The following SLC12A1 variants were observed in gnomAD, a reference collection of about 807,000 sequenced individuals.
SLC12A1 encodes the protein solute carrier family 12 member 1, also known as Na-K-2Cl cotransporter.
In SLC12A1, 89 loss-of-function variants were observed where a neutral mutation model predicts 130.4. The ratio of observed to expected loss-of-function variants is 0.68; its 90% confidence interval spans 0.58 to 0.81. The LOEUF (loss-of-function observed/expected upper bound fraction) is 0.81, where lower values mean the gene tolerates loss of function less well. Among genes scored for constraint, SLC12A1 ranks in the 40% least tolerant of loss-of-function variants. The pLI, the probability that SLC12A1 is intolerant of heterozygous loss-of-function variation, is 0.00. For synonymous variants in SLC12A1, 499 were observed against 460.0 expected (o/e 1.08, Z -1.09); for missense variants, 1,310 against 1,336.4 (o/e 0.98, Z 0.31).
rs565794124 is a variant in SLC12A1, at chr15:48,290,126, C to T, written c.2873+1610C>T. Among the ~76,000 whole-genome samples, 4 of 152,196 alleles carry T rather than the reference C, an allele frequency of 2.6e-5. No individual in the cohort carries two copies. The East Asian group carries it at 7.7e-4, about 29-fold the overall frequency. ...TATAAGCATTTTTCTACTTTTTAAA[C>T]TGTTTTCTTTTTTTCTTTTTAAATA... is the stretch of plus-strand genomic sequence containing the variant. On this transcript the variant is annotated intron_variant, in intron 23 of 26. Coordinates refer to ENST00000380993, the MANE Select transcript of SLC12A1 (RefSeq NM_000338.3).
intron 14 of SLC12A1, among the ~76,000 whole-genome samples, chr15:48,251,373 G>C (rs1291162294): frequency 1.3e-5 from 2 of 151,754 alleles, no homozygotes; most frequent in Non-Finnish European, 2.9e-5. Context: ...GGAGGGTCCT[G>C]AATGGCATAT....
chr15:48,288,198 T>C lies in SLC12A1; in HGVS notation c.2761+24T>C, dbSNP rs774329413. On this transcript the variant is annotated intron_variant, in intron 22 of 26. Coordinates refer to ENST00000380993, the MANE Select transcript of SLC12A1 (RefSeq NM_000338.3). ...AGGTAAAAACTTTCAGAAAATACAC[T>C]AGGGACAAGAATTTCAATTTTGATA... 3.1e-6 allele frequency: 5 copies of C among 1,599,034 alleles called. No individual in the cohort carries two copies. The South Asian group carries it at 5.7e-5, about 18-fold the overall frequency.
At chr15:48,282,834 C>T (rs2042021785) in intron 20 of SLC12A1, among the ~76,000 whole-genome samples, 1 of 152,114 alleles carries the variant, frequency 6.6e-6, no homozygotes, top group Non-Finnish European at 1.5e-5. Context: ...AATAAAACAA[C>T]TCTGAAATAG....
intron 20 of SLC12A1, among the ~76,000 whole-genome samples, chr15:48,275,280 C>T (rs6493316): frequency 0.29 from 44,494 of 151,982 alleles, 7,964 homozygotes; most frequent in African/African-American, 0.5. Context: ...TTCCCTCTTC[C>T]GCTGAGCTTC....
chr15:48,225,981 A>G (rs920131238), intron 4 of SLC12A1: 8 of 699,474 alleles, frequency 1.1e-5, no homozygotes, highest in South Asian at 1.3e-4. Context: ...CATCATTTGT[A>G]AGGTAAAGGC....
At chr15:48,234,135 C>T (rs775239099) in intron 8 of SLC12A1, among the ~76,000 whole-genome samples, 1 of 152,106 alleles carries the variant, frequency 6.6e-6, no homozygotes, top group Non-Finnish European at 1.5e-5. Context: ...CCAAAAAAGG[C>T]ATAGAAAACC....
In SLC12A1 at chr15:48,300,011, T is replaced by C. The variant is rs574683433; in HGVS notation, c.3096+736T>C. ...TGCTAATCTCATTGTACTTTAAGTA[T>C]AATTGCAGGCATTTACAAATGTTAG... is the stretch of plus-strand genomic sequence containing the variant. On this transcript the variant is annotated intron_variant, in intron 25 of 26. Coordinates refer to ENST00000380993, the MANE Select transcript of SLC12A1 (RefSeq NM_000338.3). Among the ~76,000 whole-genome samples the C allele has an allele frequency of 3.9e-5, 6 of 152,314 alleles. No individual in the cohort carries two copies. The South Asian group carries it at 1.0e-3, about 26-fold the overall frequency.
intron 23 of SLC12A1, 138 bp from the exon 24 acceptor site, chr15:48,291,636 AACAC>A: frequency 1.6e-6 from 1 of 642,988 alleles, no homozygotes; most frequent in East Asian, 2.8e-5. Context: ...ATGAAAATCA[AACAC>A]CAACCAAAAA....
Position 48,291,786 on chromosome 15 carries a change from C to G in SLC12A1, c.2882C>G (p.Ser961Cys), listed in dbSNP as rs1200068900. The change falls in exon 24 of 27, where the codon TCC (serine) becomes TGC (cysteine). Residue 961 changes from serine (S) to cysteine (C), a missense_variant. By Grantham distance (112) the Ser-to-Cys change is moderately radical. Transcript: ENST00000380993. Reference sequence around the variant, plus strand: ...TCCTTTTATATTTTCAGAATGGCTTCCCTTCTGAGCAAATTTAGGATAAAA... The same window carrying G: ...TCCTTTTATATTTTCAGAATGGCTTGCCTTCTGAGCAAATTTAGGATAAAA... The part of the protein sequence containing the change: ...RIEEEKIVMA[S>C]LLSKFRIKFA... 1 of 1,555,220 alleles carries G rather than the reference C, an allele frequency of 6.4e-7. No individual in the cohort carries two copies. Among genetic ancestry groups the G allele is most frequent in the South Asian group, 1.2e-5 (1 of 84,232 alleles).
chr15:48,231,156 C>T (rs575662255), intron 7 of SLC12A1, among the ~76,000 whole-genome samples: 4 of 152,282 alleles, frequency 2.6e-5, no homozygotes, highest in African/African-American at 9.6e-5. Context: ...AGCCTCCCAC[C>T]TATAAGTCAA....
At chr15:48,276,413 G>C (rs1298576817) in intron 20 of SLC12A1, among the ~76,000 whole-genome samples, 3 of 152,074 alleles carry the variant, frequency 2.0e-5, no homozygotes, top group Non-Finnish European at 4.4e-5. Context: ...TTGGAGACAG[G>C]GTCTTTAAAG....
chr15:48,258,360 CAAAAAA>C (rs35613910), intron 16 of SLC12A1, among the ~76,000 whole-genome samples: 2 of 30,244 alleles, frequency 6.6e-5, no homozygotes, highest in Non-Finnish European at 8.4e-5. Context: ...GACTCCGTCT[CAAAAAA>C]AAAAAAAAAA....
chr15:48,237,067 T>G, intron 9 of SLC12A1: 1 of 701,578 alleles, frequency 1.4e-6, no homozygotes, highest in Non-Finnish European at 2.6e-6. Context: ...TTATATGAAT[T>G]AGAACAAGCA....
At chr15:48,214,778 G>A (rs1334738895) in intron 2 of SLC12A1, among the ~76,000 whole-genome samples, 1 of 148,852 alleles carries the variant, frequency 6.7e-6, no homozygotes, top group African/African-American at 2.6e-5. Flanking sequence ...CTTAGGTTAG[G>A]TGGAACAAGT....
chr15:48,239,811 C>A (rs906002663), intron 9 of SLC12A1, among the ~76,000 whole-genome samples: 9 of 151,226 alleles, frequency 6.0e-5, no homozygotes, highest in Non-Finnish European at 1.0e-4. Context: ...CCACCATGCA[C>A]AGCTGATTTT....
In SLC12A1 at chr15:48,207,805, A is replaced by G; in HGVS notation, c.86A>G (p.Asn29Ser). The G allele has an allele frequency of 6.2e-7, 1 of 1,613,894 alleles. No individual in the cohort carries two copies. ...NRFQVSVINENHESSAAADDN... is the reference protein window; with the variant it reads ...NRFQVSVINESHESSAAADDN... ...TTTCAAGTTAGTGTCATAAATGAGA[A>G]CCATGAGAGCAGTGCAGCTGCAGAT... The change falls in exon 2 of 27, where the codon AAC becomes AGC. Residue 29 changes from asparagine (N) to serine (S), a missense_variant. Asn to Ser is a conservative substitution (Grantham distance 46). Coordinates refer to ENST00000380993, the MANE Select transcript of SLC12A1 (RefSeq NM_000338.3).
intron 5 of SLC12A1, chr15:48,227,267 A>G: frequency 1.0e-6 from 1 of 963,386 alleles, no homozygotes; most frequent in African/African-American, 1.6e-5. Flanking sequence ...CATATTGCTA[A>G]TTAGTCCCCA....
At chr15:48,252,005 C>A (rs1017288748) in intron 15 of SLC12A1, among the ~76,000 whole-genome samples, 1 of 152,078 alleles carries the variant, frequency 6.6e-6, no homozygotes, top group African/African-American at 2.4e-5. Context: ...GAGTTCAAGA[C>A]CAGCCTGGCC....
At chr15:48,216,374 A>T (rs1340401075) in intron 2 of SLC12A1, among the ~76,000 whole-genome samples, 1 of 152,190 alleles carries the variant, frequency 6.6e-6, no homozygotes, top group Non-Finnish European at 1.5e-5. Flanking sequence ...CCTTTAGCCT[A>T]CTTTGTAAGA....
Sources: gnomAD v4.1 joint callset for allele counts (sites outside exome capture counted in the v4.1 genomes callset) on GRCh38, gnomAD v4.1.1 for gene constraint, MANE v1.5 for transcripts, NCBI Gene and HGNC (gene_info 2026-07-23, HGNC 2026-07-21) for gene names.